The following PLA2G10 variants were observed in gnomAD, a reference collection of about 807,000 sequenced individuals.
PLA2G10 encodes the protein group 10 secretory phospholipase A2.
PLA2G10 carries 9 observed loss-of-function variants against 7.9 expected under a neutral mutation model. That is an observed-to-expected ratio of 1.14 (90% CI 0.68 to 1.98). The LOEUF (loss-of-function observed/expected upper bound fraction) is 1.98, where lower values mean the gene tolerates loss of function less well. Ranked by LOEUF, PLA2G10 falls within the 30% of genes most tolerant of loss-of-function variation. The pLI is 0.00. For synonymous variants in PLA2G10, 19 were observed against 27.5 expected, an observed-to-expected ratio of 0.69 and a Z score of 0.97; for missense variants, 53 against 65.4, an observed-to-expected ratio of 0.81 and a Z score of 0.66.
chr16:14,674,858 T>C (rs1010250691), intron 3 of PLA2G10, among the ~76,000 whole-genome samples: 14 of 151,890 alleles, frequency 9.2e-5, no homozygotes, highest in African/African-American at 3.4e-4. Context: ...GCTAAACACG[T>C]ACAACTAACT....
intron 3 of PLA2G10, among the ~76,000 whole-genome samples, chr16:14,686,632 C>T (rs1233174937): frequency 6.6e-6 from 1 of 152,098 alleles, no homozygotes; most frequent in Non-Finnish European, 1.5e-5. Flanking sequence ...TCTCGAGTAG[C>T]TGGGATTACA....
rs555008978 is a variant in PLA2G10, at chr16:14,687,985, C to T, written c.355+180G>A. Among the ~76,000 whole-genome samples, 94 of 150,906 alleles carry T rather than the reference C, an allele frequency of 6.2e-4. 1 individual carries two copies. Among genetic ancestry groups the T allele is most frequent in the African/African-American group, 2.2e-3 (91 of 41,272 alleles). On this transcript the variant is annotated intron_variant, in intron 3 of 3. Transcript: ENST00000438167. ...GCACACTCTAGCCTGGGTGACAGAG[C>T]GAGACTCTGACTCAAAAAATAAATA...
In PLA2G10 at chr16:14,672,766, A is replaced by G. The variant is rs1201937580; in HGVS notation, c.356-17T>C. Reference sequence around the variant, plus strand: ...CTGCCGGTCCTGGAAGAAGTGGGGAAACTGAGATTAGAGCAGGGACCTGGA... The same window carrying G: ...CTGCCGGTCCTGGAAGAAGTGGGGAGACTGAGATTAGAGCAGGGACCTGGA... On this transcript the variant is annotated splice_polypyrimidine_tract_variant and intron_variant, in intron 3 of 3. Transcript: ENST00000438167. The G allele has an allele frequency of 3.4e-5, 55 of 1,613,384 alleles. No individual in the cohort carries two copies. In the Admixed American group the frequency reaches 6.2e-4, roughly 18 times the overall value.
intron 3 of PLA2G10, among the ~76,000 whole-genome samples, chr16:14,679,060 C>G (rs1158053821): frequency 1.3e-5 from 2 of 152,098 alleles, no homozygotes; most frequent in African/African-American, 4.8e-5. Flanking sequence ...TCATTGGTGT[C>G]TCCGGGAGAC....
intron 3 of PLA2G10, among the ~76,000 whole-genome samples, chr16:14,673,680 T>A (rs188351432): frequency 2.0e-4 from 30 of 152,242 alleles, no homozygotes; most frequent in East Asian, 1.5e-3. Context: ...ATAATAATAT[T>A]TTTTTTAAAG....
intron 3 of PLA2G10, among the ~76,000 whole-genome samples, chr16:14,678,976 G>A (rs773649489): frequency 4.6e-5 from 7 of 151,798 alleles, no homozygotes; most frequent in Non-Finnish European, 7.4e-5. Context: ...ACACTTGTGC[G>A]TACCCCAGGG....
chr16:14,672,725 T>C lies in PLA2G10; in HGVS notation c.380A>G (p.Glu127Gly). The change falls in exon 4 of 4, where the codon GAA (glutamate) becomes GGA (glycine). Residue 127 changes from glutamate (E) to glycine (G), a missense_variant. Coordinates refer to ENST00000438167, the MANE Select transcript of PLA2G10 (RefSeq NM_003561.3). The part of the protein sequence containing the change: ...LCGPAENKCQ[E>G]LLCKCDQEIA... The stretch of plus-strand genomic sequence containing the variant: ...CTCCTGGTCACACTTGCACAACAGT[T>C]CTTGGCATTTGTTCTCTGCCGGTCC... The C allele has an allele frequency of 1.2e-6, 2 of 1,614,014 alleles. No homozygotes were observed. Among genetic ancestry groups the C allele is most frequent in the Non-Finnish European group, 1.7e-6 (2 of 1,179,938 alleles).
chr16:14,684,879 T>TA (rs1961008289), intron 3 of PLA2G10, among the ~76,000 whole-genome samples: 1 of 152,130 alleles, frequency 6.6e-6, no homozygotes, highest in South Asian at 2.1e-4. Context: ...CCTAGGTATA[T>TA]ACTCCAAAAT....
intron 3 of PLA2G10, among the ~76,000 whole-genome samples, chr16:14,679,670 AAAAAAT>A (rs1567503540): frequency 6.7e-6 from 1 of 149,892 alleles, no homozygotes; most frequent in Non-Finnish European, 1.5e-5. Flanking sequence ...CAAAAAAAAA[AAAAAAT>A]AATAATAATA....
At chr16:14,680,464 C>T (rs533331803) in intron 3 of PLA2G10, among the ~76,000 whole-genome samples, 3 of 152,094 alleles carry the variant, frequency 2.0e-5, no homozygotes, top group Non-Finnish European at 4.4e-5. Context: ...GATCACGGCT[C>T]ACTGCAGCCT....
chr16:14,684,049 G>A (rs1183113334), intron 3 of PLA2G10, among the ~76,000 whole-genome samples: 1 of 151,992 alleles, frequency 6.6e-6, no homozygotes, highest in Non-Finnish European at 1.5e-5. Context: ...ACCAGCCTGG[G>A]CAACTTATCT....
At chr16:14,676,929 A>C (rs1249434330) in intron 3 of PLA2G10, among the ~76,000 whole-genome samples, 1 of 152,126 alleles carries the variant, frequency 6.6e-6, no homozygotes, top group Non-Finnish European at 1.5e-5. Context: ...TGGGGGGTAC[A>C]CAAAGGCATA....
intron 3 of PLA2G10, among the ~76,000 whole-genome samples, chr16:14,682,154 G>C (rs949886095): frequency 6.6e-6 from 1 of 152,086 alleles, no homozygotes; most frequent in Non-Finnish European, 1.5e-5. Context: ...CTCTAAATGA[G>C]AGGGTTGGAT....
chr16:14,686,153 C>T (rs137878520), intron 3 of PLA2G10, among the ~76,000 whole-genome samples: 2 of 151,730 alleles, frequency 1.3e-5, no homozygotes, highest in African/African-American at 4.8e-5. Flanking sequence ...ACCACCACAC[C>T]GTGCTAGTTT....
chr16:14,673,334 G>C (rs531901163), intron 3 of PLA2G10, among the ~76,000 whole-genome samples: 6 of 150,674 alleles, frequency 4.0e-5, no homozygotes, highest in Admixed American at 2.0e-4. Flanking sequence ...GATATTACAC[G>C]ACTTCATTTG....
At chr16:14,677,828 TTGGA>T (rs1310923744) in intron 3 of PLA2G10, among the ~76,000 whole-genome samples, 3 of 140,240 alleles carry the variant, frequency 2.1e-5, no homozygotes, top group Non-Finnish European at 4.6e-5. Flanking sequence ...TGGATGGAAA[TTGGA>T]TGGATGGGTG....
intron 3 of PLA2G10, among the ~76,000 whole-genome samples, chr16:14,678,111 G>C (rs916492991): frequency 6.6e-6 from 1 of 152,168 alleles, no homozygotes; most frequent in Non-Finnish European, 1.5e-5. Context: ...ATATGATGTA[G>C]TGGGGAGGGG....
Position 14,683,722 on chromosome 16 carries a change from A to G in PLA2G10, c.355+4443T>C, listed in dbSNP as rs145678633. ...TAGAGTTAAATATGATAAACCTATTAGAAGAAAACTTAACGGTAAATATTT... is the reference window on the plus strand; with the variant it reads ...TAGAGTTAAATATGATAAACCTATTGGAAGAAAACTTAACGGTAAATATTT... On this transcript the variant is annotated intron_variant, in intron 3 of 3. Coordinates refer to ENST00000438167, the MANE Select transcript of PLA2G10 (RefSeq NM_003561.3). 4.9e-4 allele frequency among the ~76,000 whole-genome samples: 74 copies of G among 152,328 alleles called. 1 individual carries two copies. The highest frequency in any genetic ancestry group is 3.4e-3 in the Middle Eastern group (1 of 294).
intron 3 of PLA2G10, among the ~76,000 whole-genome samples, chr16:14,682,958 A>G (rs1960933513): frequency 1.3e-5 from 2 of 152,122 alleles, no homozygotes; most frequent in South Asian, 4.1e-4. Flanking sequence ...AATCCCAGCT[A>G]CCTGGGAGGC....
Sources: allele counts gnomAD v4.1 joint callset (sites outside exome capture counted in the v4.1 genomes callset), GRCh38; gene constraint gnomAD v4.1.1; transcripts MANE v1.5; gene names NCBI Gene and HGNC (gene_info 2026-07-23, HGNC 2026-07-21).